The following CUL2 variants were observed in gnomAD, a reference collection of about 807,000 sequenced individuals.
CUL2 encodes cullin 2.
Under a neutral mutation model 110.2 loss-of-function variants are expected in CUL2, and 22 were observed. The ratio of observed to expected loss-of-function variants is 0.20; its 90% confidence interval spans 0.14 to 0.28. CUL2 has a LOEUF of 0.28. Ranked by LOEUF, CUL2 falls within the 10% of genes least tolerant of loss-of-function variation. CUL2 has a pLI of 1.00. For missense variants in CUL2, 631 were observed against 905.5 expected (o/e 0.70, Z 3.89); for synonymous variants, 279 against 293.2 (o/e 0.95, Z 0.49).
At chr10:35,064,018 C>T (rs1160956516) in intron 2 of CUL2, 1 of 152,214 alleles carries the variant, frequency 6.6e-6, no homozygotes, top group East Asian at 1.9e-4. Flanking sequence ...AGGTCAGGAC[C>T]TCCTGGTGGT....
intron 6 of CUL2, among the ~76,000 whole-genome samples, chr10:35,046,071 T>C (rs2085931242): frequency 6.6e-6 from 1 of 152,262 alleles, no homozygotes; most frequent in Admixed American, 6.5e-5. Context: ...TGAACCCCTC[T>C]AGTCCTCTTT....
intron 4 of CUL2, 52 bp from the exon 5 acceptor site, chr10:35,054,591 G>T: frequency 1.0e-6 from 1 of 975,754 alleles, no homozygotes; most frequent in Non-Finnish European, 1.6e-6. Flanking sequence ...CAGTAGGAAA[G>T]CAAATGACTT....
chr10:35,122,517 G>A (rs532921852), intron 1 of CUL2, among the ~76,000 whole-genome samples: 1 of 152,188 alleles, frequency 6.6e-6, no homozygotes, highest in East Asian at 1.9e-4. Flanking sequence ...AATAATTATA[G>A]TTTACATTTA....
At chr10:35,018,122 C>CAA (rs11395891) in intron 17 of CUL2, among the ~76,000 whole-genome samples, 17,207 of 131,394 alleles carry the variant, frequency 0.13, 1,260 homozygotes, top group East Asian at 0.31. Flanking sequence ...ACTAAAAATA[C>CAA]AAAAAAAAAA....
intron 2 of CUL2, among the ~76,000 whole-genome samples, chr10:35,066,472 G>A (rs1193403988): frequency 8.3e-5 from 8 of 95,930 alleles, no homozygotes; most frequent in Non-Finnish European, 1.5e-4. Flanking sequence ...TAATTTTTTT[G>A]TATTTTTAGT....
intron 1 of CUL2, chr10:35,074,021 G>A (rs2086752376): frequency 1.4e-6 from 1 of 719,460 alleles, no homozygotes; most frequent in East Asian, 2.7e-5. Flanking sequence ...TGCGGCCGGT[G>A]CTCTAGGCTG....
intron 1 of CUL2, among the ~76,000 whole-genome samples, chr10:35,101,897 AT>A (rs2087383828): frequency 6.6e-6 from 1 of 152,172 alleles, no homozygotes; most frequent in African/African-American, 2.4e-5. Flanking sequence ...GAAAAACAGG[AT>A]ATCTGTGTTG....
In CUL2 at chr10:35,055,827, T is replaced by C. The variant is rs143589800; in HGVS notation, c.318-1288A>G. ...AAATTTCATGCTGAGTTTCCAACCA[T>C]GCCTTCCAGCTAAGGAAAGAGGAAT... On this transcript the variant is annotated intron_variant, in intron 4 of 20. Transcript: ENST00000374749. Among the ~76,000 whole-genome samples the C allele has an allele frequency of 7.5e-3, 1,136 of 152,302 alleles. 19 individuals carry two copies. The highest frequency in any genetic ancestry group is 0.025 in the African/African-American group (1,027 of 41,566).
chr10:35,124,825 G>A (rs575902715), intron 1 of CUL2, among the ~76,000 whole-genome samples: 103 of 152,238 alleles, frequency 6.8e-4, no homozygotes, highest in African/African-American at 2.2e-3. Context: ...TGCTCCTCCC[G>A]ACCCAGAAAG....
intron 6 of CUL2, among the ~76,000 whole-genome samples, chr10:35,047,650 G>C (rs1275883258): frequency 6.6e-6 from 1 of 151,852 alleles, no homozygotes; most frequent in Non-Finnish European, 1.5e-5. Context: ...GGGTGCGGTG[G>C]CTCACTCCTG....
At chr10:35,114,384 G>A (rs1241650094) in intron 1 of CUL2, among the ~76,000 whole-genome samples, 1 of 150,460 alleles carries the variant, frequency 6.6e-6, no homozygotes, top group Non-Finnish European at 1.5e-5. Context: ...TGTTTTTGTT[G>A]TTGTTTTTTG....
Position 35,029,475 on chromosome 10 carries a change from C to A in CUL2, c.1539+13G>T, listed in dbSNP as rs761821892. 6.8e-7 allele frequency: 1 copy of A among 1,476,676 alleles called. No homozygotes were observed. Among genetic ancestry groups the A allele is most frequent in the Non-Finnish European group, 9.1e-7 (1 of 1,094,568 alleles). 91.5% of individuals were successfully genotyped at this position (1,476,676 alleles called of 1,614,324 possible). A position where few individuals can be genotyped will look rare whatever the true frequency, so the allele number is the denominator to read the frequency against. ...TGATTAGTAAATGCTCATAGTAAAA[C>A]ACATATTCATACCTGTAGAACATAT... On this transcript the variant is annotated intron_variant, in intron 15 of 20. Transcript: ENST00000374749.
intron 1 of CUL2, among the ~76,000 whole-genome samples, chr10:35,111,644 T>G (rs964478627): frequency 1.3e-5 from 2 of 152,128 alleles, no homozygotes; most frequent in African/African-American, 4.8e-5. Context: ...TACCAACACT[T>G]TGGGATGCCG....
chr10:35,040,077 CAGG>C (rs929368545), intron 8 of CUL2, among the ~76,000 whole-genome samples: 7 of 152,106 alleles, frequency 4.6e-5, no homozygotes, highest in African/African-American at 1.7e-4. Flanking sequence ...TGCTTGAACC[CAGG>C]AGGAGGAGGT....
chr10:35,102,115 C>A (rs1405030114), intron 1 of CUL2, among the ~76,000 whole-genome samples: 3 of 152,120 alleles, frequency 2.0e-5, no homozygotes, highest in Non-Finnish European at 4.4e-5. Flanking sequence ...TGGCACATGC[C>A]TGTAATCCCA....
intron 1 of CUL2, among the ~76,000 whole-genome samples, chr10:35,106,611 T>A (rs2087460606): frequency 1.3e-5 from 2 of 151,524 alleles, no homozygotes. Context: ...GGATTACAGG[T>A]GTGAGCCACC....
intron 1 of CUL2, among the ~76,000 whole-genome samples, chr10:35,109,175 C>A (rs1219692829): frequency 6.6e-6 from 1 of 152,116 alleles, no homozygotes; most frequent in African/African-American, 2.4e-5. Flanking sequence ...TCGCACCTAG[C>A]AGAAATGGTT....
chr10:35,080,433 T>TTTTA (rs139166454), intron 1 of CUL2, among the ~76,000 whole-genome samples: 31,838 of 140,468 alleles, frequency 0.23, 3,992 homozygotes, highest in African/African-American at 0.34. Context: ...GAATTCCTAT[T>TTTTA]TTTATTTATT....
intron 1 of CUL2, among the ~76,000 whole-genome samples, chr10:35,088,517 A>AG (rs1402366247): frequency 2.6e-5 from 4 of 151,434 alleles, no homozygotes; most frequent in Non-Finnish European, 2.9e-5. Context: ...AAAAAAAAAA[A>AG]AAAAGAAATG....
Sources: gnomAD v4.1 joint callset for allele counts (sites outside exome capture counted in the v4.1 genomes callset) on GRCh38, gnomAD v4.1.1 for gene constraint, MANE v1.5 for transcripts, NCBI Gene and HGNC (gene_info 2026-07-23, HGNC 2026-07-21) for gene names.